Variants in CENPE observed in about 807,000 individuals in gnomAD.
The protein encoded by CENPE is centromere-associated protein E.
A neutral mutation model predicts 336.1 loss-of-function variants in CENPE; 145 were observed. The ratio of observed to expected loss-of-function variants is 0.43; its 90% CI spans 0.38 to 0.50. CENPE has a LOEUF of 0.50. CENPE is among the 20% of genes least tolerant of loss of function. The pLI, the probability that CENPE is intolerant of heterozygous loss-of-function variation, is 0.00. For synonymous variants in CENPE, 1,013 were observed against 984.8 expected (o/e 1.03, Z -0.54); for missense variants, 2,719 against 3,023.3 (o/e 0.90, Z 2.36).
At chr4:103,175,860 A>G in intron 15 of CENPE, 100 bp downstream of exon 15, 1 of 716,138 alleles carries the variant, frequency 1.4e-6, no homozygotes, top group Non-Finnish European at 2.2e-6. Flanking sequence ...TAGAGCCAAA[A>G]TCATTACTGA....
At chr4:103,170,538 C>A (rs1755318078) in intron 16 of CENPE, among the ~76,000 whole-genome samples, 2 of 151,856 alleles carry the variant, frequency 1.3e-5, no homozygotes, top group South Asian at 4.2e-4. Flanking sequence ...AGGAAAAAAA[C>A]CTATAATAAA....
chr4:103,122,025 T>G (rs977674002), intron 43 of CENPE, among the ~76,000 whole-genome samples: 9 of 152,250 alleles, frequency 5.9e-5, no homozygotes, highest in African/African-American at 2.2e-4. Flanking sequence ...TATTTTATTA[T>G]CTGCTAGACT....
Position 103,189,855 on chromosome 4 carries a change from C to G in CENPE, c.694-3994G>C, listed in dbSNP as rs193262589. On this transcript the variant is annotated intron_variant, in intron 8 of 48. Transcript: ENST00000265148. ...TAGGAAAAGAGGAAGTCAAATTGTC[C>G]CTGTTTGCAGATGACATGATTGTGT... 1.7e-3 allele frequency among the ~76,000 whole-genome samples: 254 copies of G among 152,204 alleles called. 3 individuals carry two copies. Among genetic ancestry groups the G allele is most frequent in the African/African-American group, 5.7e-3 (238 of 41,522 alleles).
chr4:103,142,246 G>A (rs889085036), intron 34 of CENPE, among the ~76,000 whole-genome samples: 7 of 151,976 alleles, frequency 4.6e-5, no homozygotes, highest in Admixed American at 2.0e-4. Flanking sequence ...ATATGTATAC[G>A]TTGTGTTTGT....
At chr4:103,184,537 T>C (rs1756592859) in intron 9 of CENPE, among the ~76,000 whole-genome samples, 1 of 152,190 alleles carries the variant, frequency 6.6e-6, no homozygotes, top group South Asian at 2.1e-4. Context: ...GTGTATGATA[T>C]ATGGATCCGA....
At chr4:103,134,536 G>A (rs1751894924) in intron 40 of CENPE, among the ~76,000 whole-genome samples, 1 of 151,590 alleles carries the variant, frequency 6.6e-6, no homozygotes, top group African/African-American at 2.4e-5. Flanking sequence ...TGGAGGCTGT[G>A]GCAGGAGAAT....
At chr4:103,143,784 C>A (rs948566915) in intron 33 of CENPE, among the ~76,000 whole-genome samples, 1 of 152,162 alleles carries the variant, frequency 6.6e-6, no homozygotes, top group Non-Finnish European at 1.5e-5. Context: ...CTACAAATAT[C>A]TTTATACAGT....
At position 103,165,308 on chromosome 4, in the gene CENPE, C is replaced by T. The variant is rs146936714; in HGVS notation, c.1648-1755G>A. The stretch of plus-strand genomic sequence containing the variant: ...AGTAAAAATTATAAAATTAAATACA[C>T]CAAGTTAAAATAGGTAGACGGTAAA... On this transcript the variant is annotated intron_variant, in intron 16 of 48. Coordinates refer to ENST00000265148, the MANE Select transcript of CENPE (RefSeq NM_001813.3). Among the ~76,000 whole-genome samples the T allele has an allele frequency of 9.7e-4, 148 of 152,218 alleles. 3 individuals are homozygous for T. The East Asian group carries it at 0.026, about 27-fold the overall frequency.
Position 103,158,774 on chromosome 4 carries a change from G to T in CENPE, c.2714C>A (p.Thr905Asn). The change falls in exon 23 of 49, where the codon ACT becomes AAT. Residue 905 changes from threonine to asparagine, a missense_variant. Physicochemically the swap from Thr to Asn is moderately conservative, Grantham distance 65. Coordinates refer to ENST00000265148, the MANE Select transcript of CENPE (RefSeq NM_001813.3). The stretch of plus-strand genomic sequence containing the variant: ...AATCAGTGTTTTCTCCCTTTCTACA[G>T]TTTGCAGCGTAGAATCTCTATTTTC... The part of the protein sequence containing the change: ...QLENRDSTLQ[T>N]VEREKTLITE... The T allele has an allele frequency of 6.2e-7, 1 of 1,613,108 alleles. No individual in the cohort carries two copies. The highest frequency in any genetic ancestry group is 8.5e-7 in the Non-Finnish European group (1 of 1,179,444).
intron 44 of CENPE, among the ~76,000 whole-genome samples, chr4:103,119,198 C>T (rs973577426): frequency 6.6e-6 from 1 of 151,822 alleles, no homozygotes; most frequent in South Asian, 2.1e-4. Flanking sequence ...TAAAAATATA[C>T]CTTCTATGTT....
intron 14 of CENPE, 67 bp from the exon 15 acceptor site, chr4:103,176,115 G>A (rs1378297495): frequency 5.2e-5 from 47 of 912,216 alleles, no homozygotes; most frequent in Non-Finnish European, 6.5e-5. Context: ...TCAAATTAAA[G>A]ATTACTAAAA....
At chr4:103,196,347 A>T in intron 2 of CENPE, 95 bp from the exon 3 acceptor site, 1 of 956,684 alleles carries the variant, frequency 1.0e-6, no homozygotes, top group East Asian at 2.6e-5. Flanking sequence ...CAAAAGTAAA[A>T]CTGTCAGAAT....
chr4:103,190,796 G>T (rs1359893814), intron 8 of CENPE, among the ~76,000 whole-genome samples: 1 of 152,088 alleles, frequency 6.6e-6, no homozygotes, highest in African/African-American at 2.4e-5. Context: ...GACAAAATGG[G>T]ATCTAAGTAA....
Position 103,139,867 on chromosome 4 carries a change from ATC to A in CENPE, c.6124_6125del (p.Asp2042Ter). 1 of 1,612,130 alleles carries A rather than the reference ATC, an allele frequency of 6.2e-7. No homozygotes were observed. The highest frequency in any genetic ancestry group is 2.2e-5 in the East Asian group (1 of 44,754). ...GAGATTCTTTTATCCTCCTTAGCTC[ATC>A]TCTTTCTTTAGCTACAATTCTTATT... ...EEIRIVAKER[D>X]ELRRIKESLK... On this transcript the variant is annotated frameshift_variant, in exon 38 of 49. Transcript: ENST00000265148. LOFTEE classifies it high-confidence loss of function.
chr4:103,143,477 G>A, intron 33 of CENPE, 71 bp from the exon 34 acceptor site: 1 of 1,045,508 alleles, frequency 9.6e-7, no homozygotes, highest in Non-Finnish European at 1.4e-6. Flanking sequence ...AAGGTATAGG[G>A]CAGGAGGTAA....
chr4:103,187,382 T>C (rs1211661041), intron 8 of CENPE, among the ~76,000 whole-genome samples: 5 of 152,174 alleles, frequency 3.3e-5, no homozygotes, highest in Admixed American at 1.3e-4. Context: ...GAAAAAATGT[T>C]AAGGGCAGCC....
chr4:103,130,397 T>A (rs1199291807), intron 42 of CENPE, among the ~76,000 whole-genome samples: 2 of 152,116 alleles, frequency 1.3e-5, no homozygotes, highest in Admixed American at 6.5e-5. Flanking sequence ...TAATTTGAAA[T>A]TAAAAATACA....
chr4:103,195,834 T>G (rs946919621), intron 4 of CENPE, 86 bp downstream of exon 4: 26 of 826,766 alleles, frequency 3.1e-5, no homozygotes, highest in Non-Finnish European at 5.0e-5. Context: ...CTTCCTTTCA[T>G]CTTTACAAGA....
rs1339272482 is a variant in CENPE, at chr4:103,180,454, G to A, written c.1099C>T (p.Arg367Trp). Residue 367 changes from arginine to tryptophan, a missense_variant, in exon 13 of 49, where the codon CGG becomes TGG. Coordinates refer to ENST00000265148, the MANE Select transcript of CENPE (RefSeq NM_001813.3). ...TGGTCTTTTTCCATTGCCTGAGCCC[G>A]CGTCTCTAAAGAAACCTATAGAATG... is the stretch of plus-strand genomic sequence containing the variant. ...KQLEEVSLETRAQAMEKDQLA... is the reference protein window; with the variant it reads ...KQLEEVSLETWAQAMEKDQLA... 4 of 1,609,676 alleles carry A rather than the reference G, an allele frequency of 2.5e-6. No homozygotes were observed. Among genetic ancestry groups the A allele is most frequent in the African/African-American group, 1.3e-5 (1 of 74,740 alleles).
Sources: allele counts gnomAD v4.1 joint callset (sites outside exome capture counted in the v4.1 genomes callset), GRCh38; gene constraint gnomAD v4.1.1; transcripts MANE v1.5; gene names NCBI Gene and HGNC (gene_info 2026-07-23, HGNC 2026-07-21).